PIWIL2: variants seen among roughly 807,000 people sequenced by gnomAD.
The protein encoded by PIWIL2 is piwi like RNA-mediated gene silencing 2.
In PIWIL2, 81 loss-of-function variants were observed where a neutral mutation model predicts 116.5. The ratio of observed to expected loss-of-function variants is 0.70; its 90% confidence interval spans 0.58 to 0.84. PIWIL2 has a LOEUF of 0.84. PIWIL2 is among the 40% of genes least tolerant of loss of function. The pLI, the probability that PIWIL2 is intolerant of heterozygous loss-of-function variation, is 0.00. For synonymous variants in PIWIL2, 489 were observed against 429.5 expected, an observed-to-expected ratio of 1.14 and a Z score of -1.71; for missense variants, 1,272 against 1,212.3, an observed-to-expected ratio of 1.05 and a Z score of -0.73.
intron 10 of PIWIL2, among the ~76,000 whole-genome samples, chr8:22,297,983 GCAGTGA>G (rs1282344694): frequency 6.6e-6 from 1 of 152,208 alleles, no homozygotes; most frequent in Non-Finnish European, 1.5e-5. Flanking sequence ...TTGACTGGGT[GCAGTGA>G]CTCATGCTGA....
intron 20 of PIWIL2, among the ~76,000 whole-genome samples, chr8:22,342,049 G>A (rs1423006478): frequency 1.3e-5 from 2 of 149,780 alleles, no homozygotes; most frequent in African/African-American, 4.9e-5. Flanking sequence ...TGAAATTTTA[G>A]ACAATAAATA....
At position 22,295,123 on chromosome 8, in the gene PIWIL2, T is replaced by A. The variant is rs750081292; in HGVS notation, c.1181+4777T>A. 6.3e-4 allele frequency among the ~76,000 whole-genome samples: 95 copies of A among 151,156 alleles called. 1 individual carries two copies. The highest frequency in any genetic ancestry group is 1.5e-3 in the South Asian group (7 of 4,778). ...TTATTTTCTCCACAGTTATCTTGGA[T>A]TTTTTTTTGTTAAAAAAATTCATTC... On this transcript the variant is annotated intron_variant, in intron 10 of 22. Transcript: ENST00000356766.
At chr8:22,323,303 A>G (rs1467787508) in intron 20 of PIWIL2, among the ~76,000 whole-genome samples, 1 of 151,936 alleles carries the variant, frequency 6.6e-6, no homozygotes, top group Non-Finnish European at 1.5e-5. Flanking sequence ...GTGTGCCACC[A>G]TGCCTGGCTA....
intron 6 of PIWIL2, 83 bp downstream of exon 6, chr8:22,284,355 C>T: frequency 1.5e-6 from 1 of 674,878 alleles, no homozygotes. Context: ...GAATATTGTC[C>T]TGGACAGTTC....
intron 20 of PIWIL2, among the ~76,000 whole-genome samples, chr8:22,352,545 A>G (rs1045954137): frequency 1.3e-5 from 2 of 152,200 alleles, no homozygotes; most frequent in Admixed American, 1.3e-4. Context: ...TCTGTGGCAT[A>G]TGTGGTCATA....
chr8:22,304,938 T>A (rs755464301), intron 12 of PIWIL2, 70 bp downstream of exon 12: 67 of 1,055,048 alleles, frequency 6.4e-5, no homozygotes, highest in Non-Finnish European at 9.3e-5. Context: ...TTAGCCGTCC[T>A]CATGGCTTTG....
chr8:22,296,216 C>T (rs932632723), intron 10 of PIWIL2, among the ~76,000 whole-genome samples: 12 of 151,932 alleles, frequency 7.9e-5, no homozygotes, highest in African/African-American at 2.9e-4. Flanking sequence ...CCACCACGCC[C>T]AGCTAATTTT....
At position 22,284,189 on chromosome 8, in the gene PIWIL2, A is replaced by C; in HGVS notation, c.660A>C (p.Lys220Asn). 6.3e-7 allele frequency: 1 copy of C among 1,597,126 alleles called. No homozygotes were observed. The highest frequency in any genetic ancestry group is 8.5e-7 in the Non-Finnish European group (1 of 1,173,276). Residue 220 changes from lysine to asparagine, a missense_variant, in exon 6 of 23, where the codon AAA becomes AAC. Coordinates refer to ENST00000356766, the MANE Select transcript of PIWIL2 (RefSeq NM_018068.5). The stretch of plus-strand genomic sequence containing the variant: ...AGCTTATTGTGAAGCAAGGATCAAA[A>C]GGAACACCTCAGTCTTTGGGACTGA... ...EKELIVKQGSKGTPQSLGLNL... is the reference protein window; with the variant it reads ...EKELIVKQGSNGTPQSLGLNL...
At position 22,352,995 on chromosome 8, in the gene PIWIL2, C is replaced by G. The variant is rs1371719613; in HGVS notation, c.2440C>G (p.Arg814Gly). ...TCTACCAGAGAAGATTGTGGTGTAC[C>G]GTGATGGAGTGTCTGATGGCCAACT... ...HCLPEKIVVY[R>G]DGVSDGQLKT... is the part of the protein sequence containing the mutation. The change falls in exon 21 of 23, where the codon CGT becomes GGT. Residue 814 changes from arginine to glycine, a missense_variant. Arg to Gly is a moderately radical substitution (Grantham distance 125). Coordinates refer to ENST00000356766, the MANE Select transcript of PIWIL2 (RefSeq NM_018068.5). 1 of 1,613,876 alleles carries G rather than the reference C, an allele frequency of 6.2e-7. No individual in the cohort carries two copies.
intron 20 of PIWIL2, among the ~76,000 whole-genome samples, chr8:22,339,727 A>G (rs928258486): frequency 5.9e-5 from 9 of 152,362 alleles, no homozygotes; most frequent in African/African-American, 2.2e-4. Flanking sequence ...CATCCGATAC[A>G]TATGGAAAGG....
intron 20 of PIWIL2, among the ~76,000 whole-genome samples, chr8:22,325,917 A>G (rs1181388965): frequency 6.6e-6 from 1 of 152,206 alleles, no homozygotes; most frequent in Non-Finnish European, 1.5e-5. Flanking sequence ...AGTAAGTCCA[A>G]CTTGCCAGCC....
At chr8:22,282,065 G>A (rs562935183) in intron 4 of PIWIL2, among the ~76,000 whole-genome samples, 2 of 141,272 alleles carry the variant, frequency 1.4e-5, no homozygotes, top group South Asian at 2.2e-4. Context: ...GAGCCCCACT[G>A]TGCGTGGACT....
intron 5 of PIWIL2, 126 bp from the exon 6 acceptor site, chr8:22,284,036 A>G (rs751649204): frequency 1.8e-6 from 1 of 557,190 alleles, no homozygotes; most frequent in Non-Finnish European, 3.1e-6. Context: ...TGATATGTGT[A>G]TCTGTAGCAA....
At chr8:22,308,939 C>T (rs1831256801) in intron 14 of PIWIL2, among the ~76,000 whole-genome samples, 1 of 151,958 alleles carries the variant, frequency 6.6e-6, no homozygotes, top group Admixed American at 6.6e-5. Context: ...GTGTGAGCCA[C>T]CACGCTAGCC....
chr8:22,320,600 CT>C (rs1831575816), intron 20 of PIWIL2, among the ~76,000 whole-genome samples: 1 of 150,862 alleles, frequency 6.6e-6, no homozygotes, highest in Non-Finnish European at 1.5e-5. Flanking sequence ...TTCTTTTCTT[CT>C]TTTTTTGAGA....
chr8:22,283,162 C>T lies in PIWIL2; in HGVS notation c.554C>T (p.Ser185Leu). 1 of 1,614,144 alleles carries T rather than the reference C, an allele frequency of 6.2e-7. No individual in the cohort carries two copies. The highest frequency in any genetic ancestry group is 1.1e-5 in the South Asian group (1 of 91,086). Residue 185 changes from serine to leucine, a missense_variant, in exon 5 of 23, where the codon TCA becomes TTA. Coordinates refer to ENST00000356766, the MANE Select transcript of PIWIL2 (RefSeq NM_018068.5). ...STPSRGPPQL[S>L]SPPALPQSPL... The stretch of plus-strand genomic sequence containing the variant: ...CCGTCCCGGGGTCCCCCGCAGCTGT[C>T]ATCACCACCAGCTCTGCCCCAGTCT...
chr8:22,282,588 C>T (rs1830535925), intron 4 of PIWIL2, among the ~76,000 whole-genome samples: 1 of 151,734 alleles, frequency 6.6e-6, no homozygotes, highest in Non-Finnish European at 1.5e-5. Flanking sequence ...GTCATGGTGG[C>T]ATATGTTGTG....
intron 10 of PIWIL2, among the ~76,000 whole-genome samples, chr8:22,301,811 C>G (rs961598976): frequency 6.6e-6 from 1 of 151,860 alleles, no homozygotes; most frequent in Non-Finnish European, 1.5e-5. Flanking sequence ...TGTCAGGTAA[C>G]GGTCTGAGTT....
intron 21 of PIWIL2, among the ~76,000 whole-genome samples, chr8:22,353,801 G>A (rs1006190494): frequency 1.5e-4 from 9 of 61,940 alleles, no homozygotes; most frequent in African/African-American, 3.3e-4. Context: ...TTGAGGCAGG[G>A]TCTCGCTTTG....
Sources: gnomAD v4.1 joint callset for allele counts (sites outside exome capture counted in the v4.1 genomes callset) on GRCh38, gnomAD v4.1.1 for gene constraint, MANE v1.5 for transcripts, NCBI Gene and HGNC (gene_info 2026-07-23, HGNC 2026-07-21) for gene names.